The following KDM4C variants were observed in gnomAD, a reference collection of about 807,000 sequenced individuals.
The protein encoded by KDM4C is lysine demethylase 4C, also known as lysine-specific demethylase 4C.
Under a neutral mutation model 129.3 loss-of-function variants are expected in KDM4C, and 81 were observed. That is an observed-to-expected ratio of 0.63 (90% CI 0.52 to 0.75). KDM4C has a LOEUF of 0.75. Ranked by LOEUF, KDM4C falls within the 30% of genes least tolerant of loss-of-function variation. KDM4C has a pLI of 0.00. For synonymous variants in KDM4C, 573 were observed against 456.1 expected, an observed-to-expected ratio of 1.26 and a Z score of -3.26; for missense variants, 1,457 against 1,304.0, an observed-to-expected ratio of 1.12 and a Z score of -1.81.
At chr9:6,823,607 C>T (rs560907749) in intron 4 of KDM4C, among the ~76,000 whole-genome samples, 2 of 152,344 alleles carry the variant, frequency 1.3e-5, no homozygotes, top group Admixed American at 1.3e-4. Context: ...CACGTTGCTC[C>T]TTCGTTGCTG....
chr9:6,859,495 AAAG>A (rs1464226989), intron 5 of KDM4C, among the ~76,000 whole-genome samples: 3 of 149,616 alleles, frequency 2.0e-5, no homozygotes, highest in Non-Finnish European at 4.4e-5. Context: ...AAAAAAAAAA[AAAG>A]AAATCGTCTC....
chr9:6,756,876 G>A (rs1054411645), upstream of KDM4C, among the ~76,000 whole-genome samples: 3 of 152,080 alleles, frequency 2.0e-5, no homozygotes, highest in Non-Finnish European at 4.4e-5. Flanking sequence ...CGTGGTAAGC[G>A]GTGTCGATAT....
chr9:6,774,444 C>G (rs1271628640), intron 1 of KDM4C, among the ~76,000 whole-genome samples: 2 of 152,082 alleles, frequency 1.3e-5, no homozygotes, highest in African/African-American at 4.8e-5. Context: ...GTGTGCGAAT[C>G]ACTTGAGCCC....
At chr9:7,043,243 T>C (rs1828884408) in intron 15 of KDM4C, among the ~76,000 whole-genome samples, 1 of 152,028 alleles carries the variant, frequency 6.6e-6, no homozygotes, top group Admixed American at 6.6e-5. Flanking sequence ...ATTCTTGATA[T>C]CAAGTTTAAT....
rs191106642 is a variant in KDM4C at position 7,141,327 on chromosome 9, A to G, written c.2781+13091A>G. ...GCTTCAGGCTGCTAAAATACAGACT[A>G]TAAGAGACTATAAAAGCCTAAAAAC... is the stretch of plus-strand genomic sequence containing the variant. On this transcript the variant is annotated intron_variant, in intron 19 of 21. Transcript: ENST00000381309. 8.5e-5 allele frequency among the ~76,000 whole-genome samples: 13 copies of G among 152,274 alleles called. No homozygotes were observed. In the East Asian group the frequency reaches 2.5e-3, roughly 29 times the overall value.
intron 17 of KDM4C, among the ~76,000 whole-genome samples, chr9:7,064,031 A>G (rs1276520416): frequency 1.3e-5 from 2 of 152,208 alleles, no homozygotes; most frequent in Non-Finnish European, 2.9e-5. Context: ...TGTCAGTGTT[A>G]CTGAAGAACT....
intron 3 of KDM4C, 41 bp from the exon 4 acceptor site, chr9:6,814,590 G>A (rs2131143490): frequency 7.7e-7 from 1 of 1,296,894 alleles, no homozygotes; most frequent in East Asian, 2.4e-5. Context: ...CCCTAAAACT[G>A]ACTTACTGGT....
rs550426629 is a variant in KDM4C, at chr9:7,088,109, G to A, written c.2425-15576G>A. On this transcript the variant is annotated intron_variant, in intron 17 of 21. Transcript: ENST00000381309. ...CTTTAGCAGGATTCTCTGATTCCTC[G>A]TGATTTTGGTGCAACCAATCCTGAG... Among the ~76,000 whole-genome samples, 8 of 152,274 alleles carry A rather than the reference G, an allele frequency of 5.3e-5. No homozygotes were observed. In the East Asian group the frequency reaches 9.7e-4, roughly 18 times the overall value.
At chr9:6,874,526 GTTTAAC>G (rs1843275337) in intron 5 of KDM4C, among the ~76,000 whole-genome samples, 1 of 152,166 alleles carries the variant, frequency 6.6e-6, no homozygotes, top group Admixed American at 6.5e-5. Context: ...ACATGTTGCT[GTTTAAC>G]TTTATTACTC....
chr9:6,753,581 T>C (rs1818144203), upstream of KDM4C, among the ~76,000 whole-genome samples: 1 of 152,106 alleles, frequency 6.6e-6, no homozygotes. Flanking sequence ...GCAGACTGGG[T>C]AATTTATAAT....
intron 2 of KDM4C, among the ~76,000 whole-genome samples, chr9:6,798,425 T>G (rs535148389): frequency 0.011 from 1,659 of 151,822 alleles, 23 homozygotes; most frequent in African/African-American, 0.029. Context: ...CTTGAGATTA[T>G]GGAGTGGTGA....
chr9:6,837,748 A>G (rs969100379), intron 4 of KDM4C, among the ~76,000 whole-genome samples: 2 of 151,926 alleles, frequency 1.3e-5, no homozygotes, highest in Admixed American at 1.3e-4. Context: ...TATTTGTTGA[A>G]TTATTTGCTC....
chr9:7,158,837 C>T (rs201452187), intron 19 of KDM4C, among the ~76,000 whole-genome samples: 4 of 152,006 alleles, frequency 2.6e-5, no homozygotes, highest in South Asian at 2.1e-4. Flanking sequence ...GGTGGAGAGT[C>T]CTGTAGATGT....
At chr9:6,989,594 G>A (rs1042000182) in intron 11 of KDM4C, among the ~76,000 whole-genome samples, 1 of 152,066 alleles carries the variant, frequency 6.6e-6, no homozygotes, top group Non-Finnish European at 1.5e-5. Context: ...TTGGTTTCTT[G>A]TTTAATTGTT....
At chr9:7,009,770 G>C (rs1469608498) in intron 12 of KDM4C, among the ~76,000 whole-genome samples, 2 of 152,100 alleles carry the variant, frequency 1.3e-5, no homozygotes. Context: ...TGAGAACTGT[G>C]GTTATCTTTC....
At chr9:6,930,825 A>G (rs1823590622) in intron 8 of KDM4C, among the ~76,000 whole-genome samples, 1 of 151,646 alleles carries the variant, frequency 6.6e-6, no homozygotes, top group South Asian at 2.1e-4. Flanking sequence ...AAAGAGTAAC[A>G]CCCCCTAATC....
intron 17 of KDM4C, among the ~76,000 whole-genome samples, chr9:7,061,638 A>G (rs760705915): frequency 1.2e-4 from 18 of 152,038 alleles, no homozygotes; most frequent in Non-Finnish European, 1.9e-4. Context: ...TCAGAGCCCA[A>G]TGAGGCAGGA....
intron 14 of KDM4C, chr9:7,014,486 A>G (rs1047367222): frequency 6.5e-6 from 1 of 153,830 alleles, no homozygotes; most frequent in African/African-American, 2.4e-5. Flanking sequence ...AACAGTCATT[A>G]CAGTTGTTTT....
At chr9:6,849,316 A>G (rs183070008) in intron 4 of KDM4C, among the ~76,000 whole-genome samples, 191 bp from the exon 5 acceptor site, 50 of 152,358 alleles carry the variant, frequency 3.3e-4, no homozygotes, top group African/African-American at 1.1e-3. Context: ...TTATGCTGGT[A>G]GTAATCTTTG....
Sources: allele counts gnomAD v4.1 joint callset (sites outside exome capture counted in the v4.1 genomes callset), GRCh38; gene constraint gnomAD v4.1.1; transcripts MANE v1.5; gene names NCBI Gene and HGNC (gene_info 2026-07-23, HGNC 2026-07-21).